SGCD: variants seen among roughly 807,000 people sequenced by gnomAD.
SGCD encodes the protein delta-sarcoglycan.
A neutral mutation model predicts 36.6 loss-of-function variants in SGCD; 18 were observed. That is an observed-to-expected ratio of 0.49 (90% CI 0.34 to 0.73). The LOEUF is 0.73. Ranked by LOEUF, SGCD falls within the 30% of genes least tolerant of loss-of-function variation. The probability of loss-of-function intolerance (pLI) is 0.01; values close to 1 mark genes in which losing one functional copy is unlikely to be tolerated. For missense variants in SGCD, 387 were observed against 346.7 expected, an observed-to-expected ratio of 1.12 and a Z score of -0.92; for synonymous variants, 133 against 130.6, an observed-to-expected ratio of 1.02 and a Z score of -0.12.
At chr5:156,190,505 A>G (rs1763864020) in intron 3 of SGCD, among the ~76,000 whole-genome samples, 1 of 152,176 alleles carries the variant, frequency 6.6e-6, no homozygotes, top group South Asian at 2.1e-4. Flanking sequence ...ATTGACATCT[A>G]CTTAGGGTAA....
intron 3 of SGCD, among the ~76,000 whole-genome samples, chr5:156,169,813 A>C (rs1333152909): frequency 1.3e-5 from 2 of 151,894 alleles, no homozygotes; most frequent in Admixed American, 6.6e-5. Flanking sequence ...GACAAGAAGG[A>C]GGCTAGTGTG....
chr5:155,929,486 C>G (rs1328907896), intron 1 of SGCD, among the ~76,000 whole-genome samples: 3 of 152,158 alleles, frequency 2.0e-5, no homozygotes, highest in Admixed American at 1.3e-4. Flanking sequence ...TGCTATTGCT[C>G]TATTTTATTT....
intron 6 of SGCD, among the ~76,000 whole-genome samples, chr5:156,633,760 C>T (rs1221371284): frequency 1.3e-5 from 2 of 152,180 alleles, no homozygotes; most frequent in Admixed American, 1.3e-4. Context: ...ATCACTGGGT[C>T]GTTCAAGAAT....
At chr5:156,220,301 G>A (rs760378889) in intron 3 of SGCD, among the ~76,000 whole-genome samples, 7 of 152,084 alleles carry the variant, frequency 4.6e-5, no homozygotes, top group African/African-American at 7.2e-5. Context: ...AGGTACGTTG[G>A]AGTTTGTTCC....
At chr5:156,148,939 C>T (rs73811419) in intron 3 of SGCD, among the ~76,000 whole-genome samples, 10,324 of 152,226 alleles carry the variant, frequency 0.068, 577 homozygotes, top group African/African-American at 0.16. Context: ...CATCAGACTT[C>T]AGGGTCTGAG....
chr5:156,206,647 G>A (rs1292003887), intron 3 of SGCD, among the ~76,000 whole-genome samples: 1 of 151,976 alleles, frequency 6.6e-6, no homozygotes, highest in Non-Finnish European at 1.5e-5. Flanking sequence ...TTTTACCAAG[G>A]CAAGTATGGG....
At chr5:155,985,830 C>T (rs958885465) in intron 1 of SGCD, among the ~76,000 whole-genome samples, 3 of 152,166 alleles carry the variant, frequency 2.0e-5, no homozygotes, top group African/African-American at 7.2e-5. Flanking sequence ...AACTGGTGGA[C>T]AGTTGTGCCT....
At position 156,332,876 on chromosome 5, in the gene SGCD, C is replaced by G. The variant is rs542995217; in HGVS notation, c.3+3297C>G. Among the ~76,000 whole-genome samples the G allele has an allele frequency of 7.2e-4, 110 of 152,250 alleles. 1 individual carries two copies. Among genetic ancestry groups the G allele is most frequent in the African/African-American group, 2.6e-3 (106 of 41,554 alleles). ...TTCCCTCTCCTGTTTGAATATTGTT[C>G]CCAAAGATGTTCAGATTTGTAAAAC... is the stretch of plus-strand genomic sequence containing the variant. On this transcript the variant is annotated intron_variant, in intron 2 of 8. Transcript: ENST00000337851.
intron 3 of SGCD, among the ~76,000 whole-genome samples, chr5:156,434,898 A>G (rs529596080): frequency 6.6e-6 from 1 of 152,332 alleles, no homozygotes; most frequent in African/African-American, 2.4e-5. Context: ...TCAGTCATTG[A>G]GGAGGCAAAA....
At chr5:156,136,681 G>T (rs1327299440) in intron 3 of SGCD, among the ~76,000 whole-genome samples, 1 of 152,162 alleles carries the variant, frequency 6.6e-6, no homozygotes, top group Non-Finnish European at 1.5e-5. Flanking sequence ...TAACCTAAAA[G>T]AGAGATTATA....
At chr5:155,866,621 T>C (rs73299496), upstream of SGCD, among the ~76,000 whole-genome samples, 331 of 152,332 alleles carry the variant, frequency 2.2e-3, 1 homozygote, top group African/African-American at 6.9e-3. Flanking sequence ...CAACTGCTGC[T>C]GCTGCTAGTA....
intron 1 of SGCD, among the ~76,000 whole-genome samples, chr5:155,937,670 G>A (rs901802181): frequency 6.6e-6 from 1 of 152,180 alleles, no homozygotes; most frequent in Non-Finnish European, 1.5e-5. Context: ...CAGTAGACAA[G>A]AAAAATGCAG....
At position 155,891,747 on chromosome 5, in the gene SGCD, A is replaced by G. The variant is rs534778703; in HGVS notation, c.-282+21323A>G. Among the ~76,000 whole-genome samples, 5 of 151,932 alleles carry G rather than the reference A, an allele frequency of 3.3e-5. No individual in the cohort carries two copies. In the South Asian group the frequency reaches 1.0e-3, roughly 32 times the overall value. ...GCCCCACAGAGTTGCCATAATGGAG[A>G]AGCCCTAGGGACTATAGCACCCAAT... On this transcript the variant is annotated intron_variant, in intron 1 of 9. Coordinates refer to the SGCD transcript ENST00000517913.
intron 1 of SGCD, among the ~76,000 whole-genome samples, chr5:156,044,441 GA>G (rs1389833776): frequency 1.3e-5 from 2 of 152,146 alleles, no homozygotes; most frequent in Admixed American, 1.3e-4. Context: ...AGATTCATTT[GA>G]ATTAGTTGGA....
At chr5:156,514,158 T>G (rs1757058745) in intron 4 of SGCD, among the ~76,000 whole-genome samples, 1 of 152,250 alleles carries the variant, frequency 6.6e-6, no homozygotes, top group African/African-American at 2.4e-5. Context: ...ATTACTACTT[T>G]GTGAGTAAAG....
At chr5:156,721,604 A>G (rs1268290269) in intron 7 of SGCD, among the ~76,000 whole-genome samples, 2 of 152,214 alleles carry the variant, frequency 1.3e-5, no homozygotes, top group African/African-American at 2.4e-5. Flanking sequence ...TTTGGGATCA[A>G]TGGATCTAAT....
intron 1 of SGCD, among the ~76,000 whole-genome samples, chr5:155,928,323 G>C (rs185315924): frequency 1.3e-5 from 2 of 152,126 alleles, no homozygotes; most frequent in South Asian, 4.1e-4. Context: ...TCAATCAAAT[G>C]AATCTTCATT....
At chr5:155,930,288 G>C (rs2113389775) in intron 1 of SGCD, among the ~76,000 whole-genome samples, 1 of 152,280 alleles carries the variant, frequency 6.6e-6, no homozygotes, top group South Asian at 2.1e-4. Context: ...TTCTTAGTCA[G>C]TGGGGTGTGC....
intron 1 of SGCD, among the ~76,000 whole-genome samples, chr5:156,039,905 G>A (rs919657183): frequency 1.3e-5 from 2 of 152,136 alleles, no homozygotes; most frequent in African/African-American, 2.4e-5. Context: ...AGATTGATGT[G>A]CAGTCTCTTC....
Sources: gnomAD v4.1 joint callset for allele counts (sites outside exome capture counted in the v4.1 genomes callset) on GRCh38, gnomAD v4.1.1 for gene constraint, MANE v1.5 for transcripts, NCBI Gene and HGNC (gene_info 2026-07-23, HGNC 2026-07-21) for gene names.